The following ZNF710 variants were observed in gnomAD, a reference collection of about 807,000 sequenced individuals.
ZNF710 encodes the protein zinc finger protein 710.
In ZNF710, 13 loss-of-function variants were observed where a neutral mutation model predicts 50.6. That is an observed-to-expected ratio of 0.26 (90% CI 0.17 to 0.41). ZNF710 has a LOEUF of 0.41. ZNF710 is among the 10% of genes least tolerant of loss of function. The pLI is 1.00. For missense variants in ZNF710, 721 were observed against 936.6 expected, an observed-to-expected ratio of 0.77 and a Z score of 3.01; for synonymous variants, 383 against 397.0, an observed-to-expected ratio of 0.96 and a Z score of 0.42.
At chr15:90,063,591 C>G (rs1567238989) in intron 1 of ZNF710, among the ~76,000 whole-genome samples, 2 of 152,144 alleles carry the variant, frequency 1.3e-5, no homozygotes, top group African/African-American at 2.4e-5. Context: ...CGCACCTTCT[C>G]AAGTCCAAAC....
At position 90,074,147 on chromosome 15, in the gene ZNF710, A is replaced by T. The variant is rs763829619; in HGVS notation, c.1682A>T (p.Asn561Ile). The T allele has an allele frequency of 6.2e-7, 1 of 1,613,550 alleles. No individual in the cohort carries two copies. The highest frequency in any genetic ancestry group is 8.5e-7 in the Non-Finnish European group (1 of 1,179,854). The change falls in exon 4 of 5, where the codon AAC becomes ATC. Residue 561 changes from asparagine (N) to isoleucine (I), a missense_variant. Asn to Ile is a moderately radical substitution (Grantham distance 149, BLOSUM62 -3). Transcript: ENST00000268154. The part of the protein sequence containing the change: ...VCGKSFNRMY[N>I]LLGHMHLHAG... Reference sequence around the variant, plus strand: ...GGGAAGTCCTTCAACCGCATGTACAACCTGCTGGGCCACATGCACCTGCAC... The same window carrying T: ...GGGAAGTCCTTCAACCGCATGTACATCCTGCTGGGCCACATGCACCTGCAC...
At chr15:90,029,867 G>A (rs1004215879) in intron 1 of ZNF710, among the ~76,000 whole-genome samples, 2 of 151,144 alleles carry the variant, frequency 1.3e-5, no homozygotes, top group East Asian at 2.0e-4. Flanking sequence ...CGCCCACCTC[G>A]GCCTCCCAAA....
intron 1 of ZNF710, among the ~76,000 whole-genome samples, chr15:90,063,325 G>A (rs1007196048): frequency 9.9e-5 from 15 of 152,156 alleles, no homozygotes; most frequent in African/African-American, 3.6e-4. Flanking sequence ...TGTTATTCAA[G>A]CCTGGATTTC....
chr15:90,041,799 T>C (rs930516988), intron 1 of ZNF710, among the ~76,000 whole-genome samples: 8 of 151,856 alleles, frequency 5.3e-5, no homozygotes, highest in African/African-American at 1.9e-4. Context: ...CAAATATTTG[T>C]GGGATTTGCC....
rs1900191962 is a variant in ZNF710, at chr15:90,067,117, C to T, written c.-21C>T. 5 of 1,574,002 alleles carry T rather than the reference C, an allele frequency of 3.2e-6. No individual in the cohort carries two copies. Among genetic ancestry groups the T allele is most frequent in the Non-Finnish European group, 4.3e-6 (5 of 1,158,290 alleles). On this transcript the variant is annotated 5_prime_UTR_variant, in exon 2 of 5. Transcript: ENST00000268154. This position sits in a 1 kb window ranked among gnomAD's most constrained non-coding sequence, Gnocchi z 8.1. ...TCCCTTCTCCACCCACAGCGATGCC[C>T]TCCTAGCTAGCCGTCACGGGATGGA...
chr15:90,059,271 C>G lies in ZNF710; in HGVS notation c.-28-7839C>G, dbSNP rs913653640. 2.0e-5 allele frequency among the ~76,000 whole-genome samples: 3 copies of G among 152,302 alleles called. No homozygotes were observed. Among genetic ancestry groups the G allele is most frequent in the Admixed American group, 6.5e-5 (1 of 15,298 alleles). On this transcript the variant is annotated intron_variant, in intron 1 of 4. Transcript: ENST00000268154. The surrounding 1 kb of genome is among the most constrained non-coding windows in gnomAD (Gnocchi z 4.1). ...CATCGGTGAGTTGGGGGCAGAGGGG[C>G]AGTGGAGCCTGCCTGGGAGCCATCT... is the stretch of plus-strand genomic sequence containing the variant.
chr15:90,074,192 A>G lies in ZNF710; in HGVS notation c.1727A>G (p.Lys576Arg), dbSNP rs750091044. 1 of 1,613,076 alleles carries G rather than the reference A, an allele frequency of 6.2e-7. No individual in the cohort carries two copies. Among genetic ancestry groups the G allele is most frequent in the South Asian group, 1.1e-5 (1 of 90,944 alleles). Residue 576 changes from lysine (K) to arginine (R), a missense_variant, in exon 4 of 5, where the codon AAG becomes AGG. Around this residue, in one of 3 missense-constraint regions of ZNF710, gnomAD observed 326 missense variants for 522.0 expected, o/e 0.62. Coordinates refer to ENST00000268154, the MANE Select transcript of ZNF710 (RefSeq NM_198526.4). ...MHLHAGSKPF[K>R]CPYCSSKFNL... ...CTGCACGCCGGCAGCAAGCCCTTCA[A>G]GTGCCCCTACTGCTCCAGCAAGTTT... is the stretch of plus-strand genomic sequence containing the variant.
chr15:90,069,104 T>C (rs1900288729), intron 2 of ZNF710, among the ~76,000 whole-genome samples: 1 of 151,808 alleles, frequency 6.6e-6, no homozygotes, highest in Non-Finnish European at 1.5e-5. Context: ...GGTGGATGCC[T>C]GTAATCCCAG....
intron 1 of ZNF710, among the ~76,000 whole-genome samples, chr15:90,058,330 G>C (rs549905420): frequency 6.6e-6 from 1 of 152,264 alleles, no homozygotes; most frequent in East Asian, 1.9e-4. Context: ...ATCTGCTCTT[G>C]CTAACTAATT....
chr15:90,046,951 T>C (rs1369176595), intron 1 of ZNF710, among the ~76,000 whole-genome samples: 1 of 152,186 alleles, frequency 6.6e-6, no homozygotes, highest in Non-Finnish European at 1.5e-5. Context: ...TTGCTCTTCC[T>C]GGCCCCACCT....
At chr15:90,009,201 C>T (rs1416598596) in intron 1 of ZNF710, among the ~76,000 whole-genome samples, 1 of 151,860 alleles carries the variant, frequency 6.6e-6, no homozygotes, top group African/African-American at 2.4e-5. Flanking sequence ...GGAAGACTGT[C>T]CTGCATGTGT....
rs1486920822 is a variant in ZNF710, at chr15:90,058,717, A to G, written c.-28-8393A>G. Among the ~76,000 whole-genome samples, 145 of 148,180 alleles carry G rather than the reference A, an allele frequency of 9.8e-4. 2 individuals are homozygous for G. The highest frequency in any genetic ancestry group is 3.6e-3 in the African/African-American group (137 of 37,808). The stretch of plus-strand genomic sequence containing the variant: ...ACTATATATTTATATATATATATAT[A>G]TACACACATATACACACACACGTAC... On this transcript the variant is annotated intron_variant, in intron 1 of 4. Coordinates refer to ENST00000268154, the MANE Select transcript of ZNF710 (RefSeq NM_198526.4).
At chr15:90,078,699 A>G (rs757441985) in intron 4 of ZNF710, among the ~76,000 whole-genome samples, 18 of 152,230 alleles carry the variant, frequency 1.2e-4, no homozygotes, top group Non-Finnish European at 2.4e-4. Context: ...CAAACATCCT[A>G]CAATGCACAG....
At chr15:90,010,642 G>A (rs546810872) in intron 1 of ZNF710, among the ~76,000 whole-genome samples, 57 of 152,160 alleles carry the variant, frequency 3.7e-4, no homozygotes, top group African/African-American at 1.3e-3. Context: ...TGTTTTCTAT[G>A]TGTTCTTTTT....
At chr15:90,072,720 G>T (rs561482715) in intron 2 of ZNF710, among the ~76,000 whole-genome samples, 1 of 152,256 alleles carries the variant, frequency 6.6e-6, no homozygotes, top group South Asian at 2.1e-4. Flanking sequence ...CCCGGTAAAT[G>T]GTTGTTGAAT....
chr15:90,026,958 C>G (rs1898799124), intron 1 of ZNF710, among the ~76,000 whole-genome samples: 1 of 152,124 alleles, frequency 6.6e-6, no homozygotes. Flanking sequence ...AAACCAGTAA[C>G]AAAATAAGGA....
At chr15:90,048,475 G>A (rs1432626850) in intron 1 of ZNF710, among the ~76,000 whole-genome samples, 1 of 152,220 alleles carries the variant, frequency 6.6e-6, no homozygotes, top group African/African-American at 2.4e-5. Flanking sequence ...ACATGTGAGT[G>A]CGTGTGGGCT....
At chr15:90,047,110 G>A (rs142750115) in intron 1 of ZNF710, among the ~76,000 whole-genome samples, 4,484 of 152,218 alleles carry the variant, frequency 0.029, 96 homozygotes, top group South Asian at 0.073. Context: ...AGAGGTTCTG[G>A]GGGTGGGTGG....
At chr15:90,074,373 G>A (rs769756115) in intron 4 of ZNF710, 83 bp downstream of exon 4, 11 of 1,588,898 alleles carry the variant, frequency 6.9e-6, no homozygotes, top group Middle Eastern at 3.3e-4. Context: ...TTAGAGGAGT[G>A]GGGAGGCTGG....
Sources: allele counts gnomAD v4.1 joint callset (sites outside exome capture counted in the v4.1 genomes callset), GRCh38; gene constraint gnomAD v4.1.1; regional missense constraint gnomAD v4.1.1; non-coding constraint Gnocchi (gnomAD v3.1); transcripts MANE v1.5; gene names NCBI Gene and HGNC (gene_info 2026-07-23, HGNC 2026-07-21).